Variants in XRCC4 observed in about 807,000 individuals in gnomAD.
XRCC4 encodes DNA repair protein XRCC4.
A neutral mutation model predicts 39.1 loss-of-function variants in XRCC4; 28 were observed. The observed-to-expected ratio is 0.72, with a 90% CI of 0.53 to 0.98. The LOEUF is 0.98. Ranked by LOEUF, XRCC4 falls within the 50% of genes least tolerant of loss-of-function variation. The pLI is 0.00. For missense variants in XRCC4, 350 were observed against 376.4 expected, an observed-to-expected ratio of 0.93 and a Z score of 0.58; for synonymous variants, 123 against 126.4, an observed-to-expected ratio of 0.97 and a Z score of 0.18.
chr5:83,144,556 C>A (rs1255545732), intron 3 of XRCC4, among the ~76,000 whole-genome samples: 25 of 77,192 alleles, frequency 3.2e-4, no homozygotes, highest in African/African-American at 1.4e-3. Flanking sequence ...CTCCCCACCC[C>A]CCCCCCCCCA....
intron 7 of XRCC4, chr5:83,280,391 T>C (rs1754494731): frequency 3.5e-6 from 2 of 577,526 alleles, no homozygotes; most frequent in Admixed American, 2.8e-5. Context: ...AAAATTCTTC[T>C]CTCTGAATAT....
At chr5:83,350,707 C>G (rs993702806) in intron 7 of XRCC4, among the ~76,000 whole-genome samples, 1 of 152,052 alleles carries the variant, frequency 6.6e-6, no homozygotes, top group African/African-American at 2.4e-5. Flanking sequence ...TTCTCCTATT[C>G]TGTAAGCTGA....
chr5:83,271,874 T>G (rs563594524), intron 7 of XRCC4, among the ~76,000 whole-genome samples: 32 of 152,320 alleles, frequency 2.1e-4, no homozygotes, highest in African/African-American at 7.0e-4. Context: ...TTCTATTATG[T>G]GAGCACTGCA....
chr5:83,263,224 T>G (rs1753826924), intron 7 of XRCC4, among the ~76,000 whole-genome samples: 1 of 151,734 alleles, frequency 6.6e-6, no homozygotes, highest in African/African-American at 2.4e-5. Flanking sequence ...TGTGCCACAT[T>G]TTCTTAATCC....
intron 3 of XRCC4, among the ~76,000 whole-genome samples, chr5:83,153,791 T>TTG (rs1244723103): frequency 1.3e-5 from 2 of 152,252 alleles, no homozygotes; most frequent in African/African-American, 4.8e-5. Context: ...ATATTTAAAC[T>TTG]TGTGATTTAT....
At chr5:83,242,902 C>T (rs1752966991) in intron 6 of XRCC4, among the ~76,000 whole-genome samples, 1 of 152,132 alleles carries the variant, frequency 6.6e-6, no homozygotes, top group Non-Finnish European at 1.5e-5. Flanking sequence ...GTAGTTTGCT[C>T]AAGATTACAC....
At chr5:83,081,757 A>G (rs529527350) in intron 1 of XRCC4, among the ~76,000 whole-genome samples, 155 of 152,238 alleles carry the variant, frequency 1.0e-3, no homozygotes, top group South Asian at 6.6e-3. Flanking sequence ...CTCCATTTTC[A>G]ACCCCATTTG....
At chr5:83,152,119 A>G (rs75921402) in intron 3 of XRCC4, among the ~76,000 whole-genome samples, 2,308 of 152,178 alleles carry the variant, frequency 0.015, 56 homozygotes, top group African/African-American at 0.052. Flanking sequence ...CTCAGCAACT[A>G]AAGTATTGAA....
intron 7 of XRCC4, among the ~76,000 whole-genome samples, chr5:83,275,294 A>G (rs1031425037): frequency 4.1e-5 from 6 of 147,784 alleles, no homozygotes; most frequent in Non-Finnish European, 5.9e-5. Context: ...TGGCTAGGTT[A>G]GGTTTTTTTT....
intron 7 of XRCC4, among the ~76,000 whole-genome samples, chr5:83,301,457 G>A (rs1404680450): frequency 6.6e-6 from 1 of 152,056 alleles, no homozygotes; most frequent in Non-Finnish European, 1.5e-5. Flanking sequence ...TGAGTTCCTT[G>A]TAGATTCTGG....
Position 83,121,316 on chromosome 5 carries a change from A to G in XRCC4, c.315+10113A>G, listed in dbSNP as rs184461817. Among the ~76,000 whole-genome samples, 21 of 152,310 alleles carry G rather than the reference A, an allele frequency of 1.4e-4. No individual in the cohort carries two copies. In the East Asian group the frequency reaches 3.3e-3, roughly 24 times the overall value. ...TATATAGGAGTAGAATAGTTGGGTT[A>G]TATGGTAGGCATATGTTTAGCTTTT... On this transcript the variant is annotated intron_variant, in intron 3 of 7. Coordinates refer to ENST00000396027, the MANE Select transcript of XRCC4 (RefSeq NM_003401.5).
intron 3 of XRCC4, among the ~76,000 whole-genome samples, chr5:83,149,815 G>C (rs961719441): frequency 2.6e-5 from 4 of 152,092 alleles, no homozygotes; most frequent in African/African-American, 7.2e-5. Context: ...GGTATACTCT[G>C]TTACAACCCA....
At chr5:83,283,831 C>A (rs1425728209) in intron 7 of XRCC4, among the ~76,000 whole-genome samples, 1 of 151,768 alleles carries the variant, frequency 6.6e-6, no homozygotes, top group Non-Finnish European at 1.5e-5. Context: ...TTGATCTAAC[C>A]CCCAAAGTAA....
chr5:83,212,118 A>G lies in XRCC4; in HGVS notation c.745+7197A>G, dbSNP rs77915433. The stretch of plus-strand genomic sequence containing the variant: ...CATATGTATGTTTATGTGTATATGT[A>G]TATATACACATATGTATGTGTGTAT... On this transcript the variant is annotated intron_variant, in intron 6 of 7. Transcript: ENST00000396027. Among the ~76,000 whole-genome samples the G allele has an allele frequency of 6.5e-4, 99 of 152,142 alleles. 3 individuals are homozygous for G. In the East Asian group the frequency reaches 0.019, roughly 29 times the overall value.
At chr5:83,219,085 T>A (rs1337218803) in intron 6 of XRCC4, among the ~76,000 whole-genome samples, 3 of 152,088 alleles carry the variant, frequency 2.0e-5, no homozygotes, top group Non-Finnish European at 4.4e-5. Context: ...CTCCTTGGCT[T>A]ATAGGCAACC....
At chr5:83,360,270 T>A in the XRCC4 span, among the ~76,000 whole-genome samples, 33 of 152,104 alleles carry the variant, frequency 2.2e-4, no homozygotes, top group Non-Finnish European at 1.0e-4. Flanking sequence ...ACAAGATGAT[T>A]GTAGTGATGA....
At chr5:83,296,871 A>T (rs941415770) in intron 7 of XRCC4, among the ~76,000 whole-genome samples, 1 of 151,962 alleles carries the variant, frequency 6.6e-6, no homozygotes, top group Non-Finnish European at 1.5e-5. Flanking sequence ...TCTAAACAGA[A>T]TAGACAAATT....
At chr5:83,235,412 A>G (rs907606024) in intron 6 of XRCC4, among the ~76,000 whole-genome samples, 16 of 152,104 alleles carry the variant, frequency 1.1e-4, no homozygotes, top group African/African-American at 3.9e-4. Flanking sequence ...GTTTCAACAT[A>G]TGCAAATCAA....
chr5:83,335,252 T>C (rs1210684809), intron 7 of XRCC4, among the ~76,000 whole-genome samples: 4 of 151,824 alleles, frequency 2.6e-5, no homozygotes, highest in Non-Finnish European at 5.9e-5. Context: ...CTTAAATATA[T>C]GGTGGCCTGA....
Sources: allele counts gnomAD v4.1 joint callset (sites outside exome capture counted in the v4.1 genomes callset), GRCh38; gene constraint gnomAD v4.1.1; transcripts MANE v1.5; gene names NCBI Gene and HGNC (gene_info 2026-07-23, HGNC 2026-07-21).